ATP8A2: variants seen among roughly 807,000 people sequenced by gnomAD.
ATP8A2 encodes phospholipid-transporting ATPase IB.
Under a neutral mutation model 165.6 loss-of-function variants are expected in ATP8A2, and 100 were observed. The ratio of observed to expected loss-of-function variants is 0.60; its 90% CI spans 0.51 to 0.71. ATP8A2 has a LOEUF of 0.71. ATP8A2 is among the 30% of genes least tolerant of loss of function. The probability of loss-of-function intolerance (pLI) is 0.00; values close to 1 mark genes in which losing one functional copy is unlikely to be tolerated. For missense variants in ATP8A2, 1,227 were observed against 1,479.5 expected, an observed-to-expected ratio of 0.83 and a Z score of 2.80; for synonymous variants, 543 against 548.8, an observed-to-expected ratio of 0.99 and a Z score of 0.15.
chr13:25,480,476 C>T (rs1317283255), intron 2 of ATP8A2, among the ~76,000 whole-genome samples: 10 of 147,060 alleles, frequency 6.8e-5, no homozygotes, highest in East Asian at 2.1e-4. Flanking sequence ...ACCTCCCAGA[C>T]GGGGTCGCGG....
At chr13:25,380,574 ATATAT>A (rs1363161697) in intron 1 of ATP8A2, among the ~76,000 whole-genome samples, 2 of 152,154 alleles carry the variant, frequency 1.3e-5, no homozygotes, top group African/African-American at 4.8e-5. Context: ...ATTAAATAAA[ATATAT>A]TATTAAAATT....
intron 33 of ATP8A2, among the ~76,000 whole-genome samples, chr13:25,961,361 A>G (rs560650391): frequency 1.2e-4 from 18 of 152,360 alleles, no homozygotes; most frequent in African/African-American, 4.1e-4. Flanking sequence ...GCACACGTCA[A>G]ACTAGAAGAA....
intron 24 of ATP8A2, among the ~76,000 whole-genome samples, chr13:25,636,221 T>A (rs886759544): frequency 1.3e-5 from 2 of 152,198 alleles, no homozygotes; most frequent in Non-Finnish European, 2.9e-5. Context: ...GTCAAATACA[T>A]TCCCTGTAGC....
chr13:25,618,183 G>C (rs922556889), intron 24 of ATP8A2, among the ~76,000 whole-genome samples: 1 of 152,114 alleles, frequency 6.6e-6, no homozygotes, highest in Non-Finnish European at 1.5e-5. Flanking sequence ...TTCTACAGCG[G>C]TCTTCAGTAA....
intron 35 of ATP8A2, among the ~76,000 whole-genome samples, chr13:25,978,764 AC>A (rs1956115829): frequency 6.6e-6 from 1 of 151,728 alleles, no homozygotes; most frequent in Non-Finnish European, 1.5e-5. Flanking sequence ...ACACGTTAAA[AC>A]CCGTCTCTAC....
At chr13:25,979,920 A>G (rs1956142705) in intron 35 of ATP8A2, among the ~76,000 whole-genome samples, 1 of 152,202 alleles carries the variant, frequency 6.6e-6, no homozygotes, top group Admixed American at 6.5e-5. Context: ...ACACTCCTGT[A>G]ACAACAGTCA....
intron 33 of ATP8A2, among the ~76,000 whole-genome samples, chr13:25,891,966 A>T (rs961555592): frequency 1.3e-5 from 2 of 151,150 alleles, no homozygotes; most frequent in Non-Finnish European, 2.9e-5. Flanking sequence ...AAAGATGGAG[A>T]TGTATGACCT....
At chr13:25,783,039 C>G (rs1235375382) in intron 27 of ATP8A2, among the ~76,000 whole-genome samples, 1 of 142,964 alleles carries the variant, frequency 7.0e-6, no homozygotes, top group Non-Finnish European at 1.5e-5. Context: ...CCTCTTCTGG[C>G]CCAGTTTTTA....
intron 33 of ATP8A2, among the ~76,000 whole-genome samples, chr13:25,929,841 C>T (rs1453536889): frequency 6.6e-6 from 1 of 152,144 alleles, no homozygotes; most frequent in Non-Finnish European, 1.5e-5. Flanking sequence ...AACCCAAAAT[C>T]CAAACCTTGC....
At chr13:25,703,600 T>G (rs1184107982) in intron 25 of ATP8A2, among the ~76,000 whole-genome samples, 5 of 152,096 alleles carry the variant, frequency 3.3e-5, no homozygotes, top group Non-Finnish European at 7.4e-5. Context: ...GGAATATTAT[T>G]GAGCCATAAA....
In ATP8A2 at chr13:25,389,983, CTTTTG is replaced by C. The variant is rs59233777; in HGVS notation, c.76+17721_76+17725del. ...CACAAGTTAGGTTTCAATTTTTTGC[CTTTTG>C]TTTTGTTTTGTTTTGTTTTGTTTTG... On this transcript the variant is annotated intron_variant, in intron 1 of 36. Coordinates refer to ENST00000381655, the MANE Select transcript of ATP8A2 (RefSeq NM_016529.6). Among the ~76,000 whole-genome samples the C allele has an allele frequency of 2.6e-3, 396 of 151,142 alleles. 9 individuals carry two copies. Among genetic ancestry groups the C allele is most frequent in the Admixed American group, 0.018 (269 of 15,128 alleles).
chr13:25,704,338 T>A (rs1467110559), intron 25 of ATP8A2, among the ~76,000 whole-genome samples: 2 of 90,714 alleles, frequency 2.2e-5, no homozygotes, highest in Admixed American at 1.0e-4. Flanking sequence ...CATCTAGGAC[T>A]TTTTTTTTTT....
chr13:25,882,223 A>T (rs1477304187), intron 33 of ATP8A2, among the ~76,000 whole-genome samples: 1 of 152,238 alleles, frequency 6.6e-6, no homozygotes, highest in Non-Finnish European at 1.5e-5. Flanking sequence ...TATTATCATT[A>T]TCGTATTAGG....
chr13:25,849,578 A>G (rs781610849), intron 30 of ATP8A2, among the ~76,000 whole-genome samples: 1 of 152,244 alleles, frequency 6.6e-6, no homozygotes, highest in Non-Finnish European at 1.5e-5. Flanking sequence ...AAATATTTTC[A>G]AAGAGATTTT....
chr13:25,495,276 A>C (rs2036640698), intron 2 of ATP8A2, among the ~76,000 whole-genome samples: 4 of 152,074 alleles, frequency 2.6e-5, no homozygotes, highest in Admixed American at 2.6e-4. Context: ...TAAGAGGCTG[A>C]GAAGGGGTTT....
chr13:25,737,913 T>C (rs2043813286), intron 25 of ATP8A2, among the ~76,000 whole-genome samples: 1 of 152,150 alleles, frequency 6.6e-6, no homozygotes, highest in Admixed American at 6.6e-5. Flanking sequence ...CTCGATCTCC[T>C]GACCTCGTGA....
chr13:25,462,648 C>T (rs950820677), intron 1 of ATP8A2, among the ~76,000 whole-genome samples: 5 of 152,294 alleles, frequency 3.3e-5, no homozygotes, highest in Admixed American at 2.6e-4. Flanking sequence ...CTCCATCCCC[C>T]TTTCCCCTTC....
At chr13:25,974,839 CT>C (rs951910287) in intron 35 of ATP8A2, among the ~76,000 whole-genome samples, 30 of 152,308 alleles carry the variant, frequency 2.0e-4, no homozygotes, top group African/African-American at 6.7e-4. Flanking sequence ...GTCATCCCCC[CT>C]GGTCCCTTGG....
intron 1 of ATP8A2, among the ~76,000 whole-genome samples, chr13:25,388,015 A>G (rs527381558): frequency 1.3e-5 from 2 of 152,118 alleles, no homozygotes; most frequent in African/African-American, 4.8e-5. Flanking sequence ...GTGAGCCAAG[A>G]TTGCACCACT....
Sources: allele counts gnomAD v4.1 joint callset (sites outside exome capture counted in the v4.1 genomes callset), GRCh38; gene constraint gnomAD v4.1.1; transcripts MANE v1.5; gene names NCBI Gene and HGNC (gene_info 2026-07-23, HGNC 2026-07-21).